CNTLN: variants seen among roughly 807,000 people sequenced by gnomAD.
The protein encoded by CNTLN is centlein, centrosomal protein.
CNTLN carries 212 observed loss-of-function variants against 180.0 expected under a neutral mutation model. That is an observed-to-expected ratio of 1.18 (90% CI 1.05 to 1.32). The LOEUF is 1.32. CNTLN is among the 40% of genes most tolerant of loss of function. The pLI is 0.00. For synonymous variants in CNTLN, 722 were observed against 563.1 expected (o/e 1.28, Z -3.99); for missense variants, 2,095 against 1,610.9 (o/e 1.30, Z -5.14).
At chr9:17,295,703 T>A (rs1452446752) in intron 6 of CNTLN, among the ~76,000 whole-genome samples, 2 of 152,178 alleles carry the variant, frequency 1.3e-5, no homozygotes, top group Non-Finnish European at 2.9e-5. Flanking sequence ...TGCTTTCCGC[T>A]GGTTCAGATG....
intron 8 of CNTLN, among the ~76,000 whole-genome samples, chr9:17,315,142 C>G (rs1334316831): frequency 6.6e-6 from 1 of 152,016 alleles, no homozygotes; most frequent in East Asian, 1.9e-4. Context: ...GCCTTAAGCA[C>G]TCCTTTTAGT....
At chr9:17,527,469 C>T in the CNTLN span, among the ~76,000 whole-genome samples, 3 of 152,200 alleles carry the variant, frequency 2.0e-5, no homozygotes, top group African/African-American at 7.2e-5. Flanking sequence ...ATGGAGTACA[C>T]ACTGACAATT....
At chr9:17,227,904 G>A (rs78854261) in intron 3 of CNTLN, among the ~76,000 whole-genome samples, 1 of 152,068 alleles carries the variant, frequency 6.6e-6, no homozygotes, top group Admixed American at 6.6e-5. Context: ...TCTAAAATAG[G>A]TAAATGTTGT....
chr9:17,317,040 G>GTT (rs550773715), intron 8 of CNTLN, among the ~76,000 whole-genome samples: 11 of 150,582 alleles, frequency 7.3e-5, no homozygotes, highest in African/African-American at 1.2e-4. Context: ...AGAAAAAAGT[G>GTT]TTTTTTTTTT....
At position 17,457,625 on chromosome 9, in the gene CNTLN, C is replaced by A. The variant is rs751610763; in HGVS notation, c.3216C>A (p.Ser1072=). 2 of 1,563,906 alleles carry A rather than the reference C, an allele frequency of 1.3e-6. No homozygotes were observed. Among genetic ancestry groups the A allele is most frequent in the African/African-American group, 2.8e-5 (2 of 72,412 alleles). ...TCACAAGTTTGGCAGAAGAAAATTCCCAGGTAACATTTCCACGGATACAAG... is the reference window on the plus strand; with the variant it reads ...TCACAAGTTTGGCAGAAGAAAATTCACAGGTAACATTTCCACGGATACAAG... ...SEITSLAEEN[S]QVTFPRIQVT... Residue 1072 remains serine, a synonymous_variant, in exon 19 of 26, where the codon TCC becomes TCA. Coordinates refer to ENST00000380647, the MANE Select transcript of CNTLN (RefSeq NM_017738.4).
At chr9:17,177,248 A>G (rs1190437222) in intron 2 of CNTLN, among the ~76,000 whole-genome samples, 1 of 152,018 alleles carries the variant, frequency 6.6e-6, no homozygotes, top group African/African-American at 2.4e-5. Flanking sequence ...TCTCTACTAA[A>G]AATACAAAAA....
At chr9:17,496,166 A>G (rs966735775) in intron 25 of CNTLN, among the ~76,000 whole-genome samples, 1 of 152,210 alleles carries the variant, frequency 6.6e-6, no homozygotes, top group Admixed American at 6.5e-5. Flanking sequence ...TGAGTGACAC[A>G]GTGATGAACA....
chr9:17,447,290 A>T (rs1407088898), intron 18 of CNTLN: 1 of 204,410 alleles, frequency 4.9e-6, no homozygotes, highest in East Asian at 1.2e-4. Flanking sequence ...AAACTGGCAG[A>T]TACATTCAGC....
At chr9:17,259,156 C>G (rs1352715256) in intron 5 of CNTLN, among the ~76,000 whole-genome samples, 3 of 147,830 alleles carry the variant, frequency 2.0e-5, no homozygotes, top group Non-Finnish European at 4.4e-5. Context: ...CCATCAATAC[C>G]TAATTTATTG....
At chr9:17,457,978 A>G (rs182571984) in intron 19 of CNTLN, among the ~76,000 whole-genome samples, 1 of 152,050 alleles carries the variant, frequency 6.6e-6, no homozygotes, top group African/African-American at 2.4e-5. Flanking sequence ...TGCTACTCTA[A>G]TACTTCTTTC....
intron 6 of CNTLN, among the ~76,000 whole-genome samples, chr9:17,287,922 T>C (rs200092499): frequency 3.7e-4 from 52 of 141,198 alleles, no homozygotes; most frequent in African/African-American, 1.2e-3. Flanking sequence ...GTCTTGCTAG[T>C]GGTCTATCAA....
At chr9:17,138,577 A>T (rs935133935) in intron 1 of CNTLN, among the ~76,000 whole-genome samples, 1 of 152,178 alleles carries the variant, frequency 6.6e-6, no homozygotes, top group Non-Finnish European at 1.5e-5. Context: ...TAATTCCACC[A>T]GTTGTTTGTA....
intron 7 of CNTLN, among the ~76,000 whole-genome samples, chr9:17,306,146 A>ATTTTTTTTTTTTTTTTTTTTTTTT (rs572150057): frequency 7.8e-6 from 1 of 128,008 alleles, no homozygotes; most frequent in Non-Finnish European, 1.7e-5. Flanking sequence ...TTAGTCGTCT[A>ATTTTTTTTTTTTTTTTTTTTTTTT]TTTTTTTTTT....
intron 2 of CNTLN, among the ~76,000 whole-genome samples, chr9:17,162,664 C>T (rs1431321475): frequency 6.6e-6 from 1 of 152,092 alleles, no homozygotes; most frequent in Non-Finnish European, 1.5e-5. Context: ...CTGGATGTTT[C>T]CTTGAGTTGT....
At chr9:17,141,249 TC>T (rs1818069542) in intron 1 of CNTLN, among the ~76,000 whole-genome samples, 1 of 152,094 alleles carries the variant, frequency 6.6e-6, no homozygotes, top group South Asian at 2.1e-4. Context: ...TAAAACCAAA[TC>T]ACTAAACATA....
At chr9:17,260,675 T>C (rs947279958) in intron 5 of CNTLN, among the ~76,000 whole-genome samples, 3 of 151,424 alleles carry the variant, frequency 2.0e-5, no homozygotes, top group Non-Finnish European at 4.4e-5. Flanking sequence ...TCTTTAGCTA[T>C]GCAGAAGCTC....
chr9:17,259,289 G>A (rs1021783342), intron 5 of CNTLN, among the ~76,000 whole-genome samples: 128 of 145,596 alleles, frequency 8.8e-4, no homozygotes, highest in Admixed American at 4.6e-3. Flanking sequence ...ATTGATTTGC[G>A]TATATTGAAC....
At position 17,248,863 on chromosome 9, in the gene CNTLN, T is replaced by C. The variant is rs533467682; in HGVS notation, c.849+12275T>C. 3.2e-4 allele frequency among the ~76,000 whole-genome samples: 48 copies of C among 151,978 alleles called. 1 individual carries two copies. Among genetic ancestry groups the C allele is most frequent in the African/African-American group, 1.1e-3 (47 of 41,552 alleles). ...GATGGATTCATTGTAATATATCTAATAATTCTTTTTATTATCTTATAATCA... is the reference window on the plus strand; with the variant it reads ...GATGGATTCATTGTAATATATCTAACAATTCTTTTTATTATCTTATAATCA... On this transcript the variant is annotated intron_variant, in intron 5 of 25. Transcript: ENST00000380647.
At chr9:17,299,822 A>G in intron 7 of CNTLN, 1 of 983,658 alleles carries the variant, frequency 1.0e-6, no homozygotes, top group Non-Finnish European at 1.2e-6. Flanking sequence ...GTTGCTTGGA[A>G]CATTTTTTTT....
Sources: gnomAD v4.1 joint callset for allele counts (sites outside exome capture counted in the v4.1 genomes callset) on GRCh38, gnomAD v4.1.1 for gene constraint, MANE v1.5 for transcripts, NCBI Gene and HGNC (gene_info 2026-07-23, HGNC 2026-07-21) for gene names.